The following SPSB4 variants were observed in gnomAD, a reference collection of about 807,000 sequenced individuals.
SPSB4 encodes the protein splA/ryanodine receptor domain and SOCS box containing 4, also known as SPRY domain-containing SOCS box protein 4.
In SPSB4, 21 loss-of-function variants were observed where a neutral mutation model predicts 20.9. The observed-to-expected ratio is 1.01, with a 90% confidence interval of 0.71 to 1.45. The LOEUF is 1.45. Among genes scored for constraint, SPSB4 ranks in the 40% most tolerant of loss-of-function variants. SPSB4 has a pLI of 0.00. For missense variants in SPSB4, 399 were observed against 399.2 expected (o/e 1.00, Z 0.00); for synonymous variants, 207 against 183.8 (o/e 1.13, Z -1.02).
intron 2 of SPSB4, among the ~76,000 whole-genome samples, chr3:141,067,412 G>A (rs1485944060): frequency 1.3e-5 from 2 of 152,176 alleles, no homozygotes; most frequent in Non-Finnish European, 2.9e-5. Context: ...AAAACCCTGG[G>A]TTGTGGAATC....
At chr3:141,141,323 C>T (rs920418430) in intron 2 of SPSB4, among the ~76,000 whole-genome samples, 3 of 152,182 alleles carry the variant, frequency 2.0e-5, no homozygotes, top group African/African-American at 7.2e-5. Flanking sequence ...TGCATGGTGC[C>T]CTGAACCCAC....
At chr3:141,079,224 G>A (rs1205704877) in intron 2 of SPSB4, among the ~76,000 whole-genome samples, 1 of 149,908 alleles carries the variant, frequency 6.7e-6, no homozygotes, top group African/African-American at 2.5e-5. Context: ...TCACACCACT[G>A]CACTCCAGCC....
In SPSB4 at chr3:141,147,163, A is replaced by T; in HGVS notation, c.716A>T (p.Asp239Val). The T allele has an allele frequency of 6.2e-7, 1 of 1,614,096 alleles. No homozygotes were observed. Residue 239 changes from aspartate (D) to valine (V), a missense_variant, in exon 3 of 3, where the codon GAC becomes GTC. Coordinates refer to ENST00000310546, the MANE Select transcript of SPSB4 (RefSeq NM_080862.3). ...GLDPEPLPLM[D>V]LCRRSIRSAL... ...GCAGCCGAGCCCCTGCCACTGATGGACCTGTGCCGGAGATCCATCCGCTCG... is the reference window on the plus strand; with the variant it reads ...GCAGCCGAGCCCCTGCCACTGATGGTCCTGTGCCGGAGATCCATCCGCTCG...
chr3:141,121,176 A>C (rs1028668973), intron 2 of SPSB4, among the ~76,000 whole-genome samples: 2 of 152,144 alleles, frequency 1.3e-5, no homozygotes, highest in Admixed American at 1.3e-4. Context: ...TATGAAGCTT[A>C]GTTTGGCTGG....
chr3:141,107,245 T>C (rs1449468162), intron 2 of SPSB4, among the ~76,000 whole-genome samples: 1 of 152,230 alleles, frequency 6.6e-6, no homozygotes, highest in African/African-American at 2.4e-5. Flanking sequence ...AGAAATCCAT[T>C]AGTAATTAAC....
chr3:141,080,012 AT>A (rs1015067599), intron 2 of SPSB4, among the ~76,000 whole-genome samples: 75 of 152,178 alleles, frequency 4.9e-4, no homozygotes, highest in East Asian at 9.7e-4. Context: ...TCATTCCACT[AT>A]TTTTTTTAAA....
At chr3:141,096,179 AG>A (rs1201976958) in intron 2 of SPSB4, among the ~76,000 whole-genome samples, 2 of 152,126 alleles carry the variant, frequency 1.3e-5, no homozygotes, top group Non-Finnish European at 2.9e-5. Context: ...CTTGTAGAAG[AG>A]GAGCCAAACC....
intron 2 of SPSB4, among the ~76,000 whole-genome samples, chr3:141,134,056 C>CTTTTTT (rs1222303281): frequency 5.5e-4 from 34 of 61,624 alleles, no homozygotes; most frequent in African/African-American, 7.1e-4. Context: ...TTTCTTTTTT[C>CTTTTTT]TTTTTTTTTT....
chr3:141,052,558 G>T (rs78598852), intron 1 of SPSB4, among the ~76,000 whole-genome samples: 2 of 152,134 alleles, frequency 1.3e-5, no homozygotes, highest in Non-Finnish European at 2.9e-5. Flanking sequence ...ATTCCTGGGG[G>T]TCTGTTCGTC....
chr3:141,086,344 C>G (rs1938338998), intron 2 of SPSB4, among the ~76,000 whole-genome samples: 1 of 152,196 alleles, frequency 6.6e-6, no homozygotes, highest in South Asian at 2.1e-4. Flanking sequence ...TATGTTCAAA[C>G]TGCCTGGGTT....
intron 2 of SPSB4, among the ~76,000 whole-genome samples, chr3:141,097,769 G>A (rs1422910195): frequency 1.3e-5 from 2 of 152,112 alleles, no homozygotes; most frequent in African/African-American, 4.8e-5. Flanking sequence ...CAAAAGGTCA[G>A]TGAGCCTCTG....
chr3:141,087,220 G>A (rs1050236087), intron 2 of SPSB4, among the ~76,000 whole-genome samples: 1 of 152,218 alleles, frequency 6.6e-6, no homozygotes, highest in African/African-American at 2.4e-5. Context: ...GTGCACAGTA[G>A]TATGGCTGCA....
At chr3:141,068,626 G>A (rs146298875) in intron 2 of SPSB4, among the ~76,000 whole-genome samples, 104 of 152,238 alleles carry the variant, frequency 6.8e-4, no homozygotes, top group African/African-American at 2.2e-3. Flanking sequence ...CTGCAAAATG[G>A]GATAGTATCA....
intron 2 of SPSB4, among the ~76,000 whole-genome samples, chr3:141,079,649 A>G (rs1480104681): frequency 6.6e-6 from 1 of 152,238 alleles, no homozygotes; most frequent in Non-Finnish European, 1.5e-5. Flanking sequence ...TGGGCAAGGC[A>G]GGTCCAGTTT....
intron 2 of SPSB4, among the ~76,000 whole-genome samples, chr3:141,088,604 C>T (rs565564933): frequency 2.0e-4 from 31 of 152,300 alleles, no homozygotes; most frequent in African/African-American, 7.2e-4. Flanking sequence ...GAGTTAACAC[C>T]CTTGGGGATA....
intron 2 of SPSB4, among the ~76,000 whole-genome samples, chr3:141,120,367 T>C (rs141282904): frequency 0.01 from 1,533 of 152,318 alleles, 20 homozygotes; most frequent in African/African-American, 0.035. Flanking sequence ...AAGTGTGATG[T>C]GGTGCTGAGA....
At chr3:141,139,657 A>T (rs1939289221) in intron 2 of SPSB4, among the ~76,000 whole-genome samples, 1 of 152,220 alleles carries the variant, frequency 6.6e-6, no homozygotes, top group Non-Finnish European at 1.5e-5. Context: ...AATGTTGAAT[A>T]TTGGCCCCCA....
rs144029289 is a variant in SPSB4 at position 141,095,205 on chromosome 3, C to T, written c.694+28407C>T. On this transcript the variant is annotated intron_variant, in intron 2 of 2. Transcript: ENST00000310546. ...CGTCCTAGGTGTGCGGGTGATGCCG[C>T]AGCCCTCCGCAGTCCCCGGAGAGTT... Among the ~76,000 whole-genome samples, 1,271 of 152,274 alleles carry T rather than the reference C, an allele frequency of 8.3e-3. 14 individuals carry two copies. The highest frequency in any genetic ancestry group is 0.029 in the African/African-American group (1,210 of 41,552).
In SPSB4 at chr3:141,146,690, C is replaced by T. The variant is rs558758155; in HGVS notation, c.695-452C>T. ...TAGGGAGGCTGAGGCAGGAGAATGG[C>T]GTGAACCCAGGAGGCGGAGCTTGCA... On this transcript the variant is annotated intron_variant, in intron 2 of 2. Coordinates refer to ENST00000310546, the MANE Select transcript of SPSB4 (RefSeq NM_080862.3). Among the ~76,000 whole-genome samples the T allele has an allele frequency of 1.2e-4, 18 of 151,348 alleles. No individual in the cohort carries two copies. The East Asian group carries it at 2.7e-3, about 23-fold the overall frequency.
Sources: gnomAD v4.1 joint callset for allele counts (sites outside exome capture counted in the v4.1 genomes callset) on GRCh38, gnomAD v4.1.1 for gene constraint, MANE v1.5 for transcripts, NCBI Gene and HGNC (gene_info 2026-07-23, HGNC 2026-07-21) for gene names.